GNL2: variants seen among roughly 807,000 people sequenced by gnomAD.
GNL2 encodes the protein nucleolar GTP-binding protein 2.
In GNL2, 51 loss-of-function variants were observed where a neutral mutation model predicts 92.3. That is an observed-to-expected ratio of 0.55 (90% CI 0.44 to 0.70). The LOEUF (loss-of-function observed/expected upper bound fraction) is 0.70, where lower values mean the gene tolerates loss of function less well. Ranked by LOEUF, GNL2 falls within the 30% of genes least tolerant of loss-of-function variation. GNL2 has a pLI of 0.00. For missense variants in GNL2, 844 were observed against 895.6 expected (o/e 0.94, Z 0.74); for synonymous variants, 283 against 300.6 (o/e 0.94, Z 0.61).
intron 14 of GNL2, 77 bp downstream of exon 14, chr1:37,568,198 T>C (rs570101313): frequency 5.7e-5 from 49 of 858,552 alleles, no homozygotes; most frequent in South Asian, 3.2e-4. Context: ...CTGAGATAAT[T>C]TGGAGACTGA....
chr1:37,594,148 C>A (rs932383592), intron 1 of GNL2: 3 of 292,460 alleles, frequency 1.0e-5, no homozygotes, highest in Non-Finnish European at 1.9e-5. Context: ...TTAATCTATA[C>A]AATAATCCTA....
Position 37,583,880 on chromosome 1 carries a change from C to T in GNL2, c.623G>A (p.Gly208Asp), listed in dbSNP as rs199933205. 3.2e-6 allele frequency: 5 copies of T among 1,570,460 alleles called. No homozygotes were observed. Among genetic ancestry groups the T allele is most frequent in the Middle Eastern group, 3.4e-4 (2 of 5,968 alleles). ...YKKGQSKRIW[G>D]ELYKVIDSSD... ...TAGGAGTCTTACCTTGTAGAGCTCA[C>T]CCCATATTCTTTTGGACTGTCCCTT... is the stretch of plus-strand genomic sequence containing the variant. The change falls in exon 6 of 16, where the codon GGT (glycine) becomes GAT (aspartate). Residue 208 changes from glycine (G) to aspartate (D), a missense_variant. By Grantham distance (94) the Gly-to-Asp change is moderately conservative. Transcript: ENST00000373062.
chr1:37,595,817 CACCATCTTGGCGACGAG>C lies in GNL2; in HGVS notation c.-12_5del, dbSNP rs779442093. 1.2e-6 allele frequency: 2 copies of C among 1,614,066 alleles called. No individual in the cohort carries two copies. Among genetic ancestry groups the C allele is most frequent in the Middle Eastern group, 1.6e-4 (1 of 6,082 alleles). Reference sequence around the variant, plus strand: ...TGCTCCGTCCTTTGTACTTGGGCTTCACCATCTTGGCGACGAGACCGGGACCGGAGTGCGAGGTCCGG... The same window carrying C: ...TGCTCCGTCCTTTGTACTTGGGCTTCACCGGGACCGGAGTGCGAGGTCCGG... On this transcript the variant is annotated start_lost and 5_prime_UTR_variant, in exon 1 of 16. Transcript: ENST00000373062.
intron 5 of GNL2, among the ~76,000 whole-genome samples, chr1:37,586,107 G>C (rs1643846814): frequency 6.6e-6 from 1 of 152,110 alleles, no homozygotes; most frequent in Non-Finnish European, 1.5e-5. Flanking sequence ...CAATGAGACT[G>C]GCCATAACAA....
chr1:37,573,895 AT>A (rs1365610221), intron 12 of GNL2, among the ~76,000 whole-genome samples: 1 of 151,656 alleles, frequency 6.6e-6, no homozygotes, highest in East Asian at 1.9e-4. Flanking sequence ...CCTCAAAAAA[AT>A]TTTTTTTTAT....
rs1374212499 is a variant in GNL2 at position 37,568,305 on chromosome 1, T to C, written c.1921A>G (p.Lys641Glu). The C allele has an allele frequency of 6.2e-7, 1 of 1,608,224 alleles. No homozygotes were observed. The highest frequency in any genetic ancestry group is 1.7e-4 in the Middle Eastern group (1 of 6,046). The change falls in exon 14 of 16, where the codon AAA becomes GAA. Residue 641 changes from lysine to glutamate, a missense_variant. Transcript: ENST00000373062. ...TCATCTACATCTTCTTCCAGTGTTT[T>C]TCTTTGTTCTTCAGGTTTTGCAAAT... ...KIFAKPEEQR[K>E]TLEEDVDDRA...
chr1:37,582,705 A>C (rs1477327623), intron 7 of GNL2, 73 bp downstream of exon 7: 2 of 1,202,168 alleles, frequency 1.7e-6, no homozygotes, highest in Non-Finnish European at 2.4e-6. Context: ...ACAACACTTT[A>C]GCCTAAAAGC....
intron 12 of GNL2, among the ~76,000 whole-genome samples, chr1:37,574,020 G>A (rs946231365): frequency 2.6e-5 from 4 of 152,166 alleles, no homozygotes; most frequent in African/African-American, 7.2e-5. Context: ...AGCCTCCCGA[G>A]TAGCTGGGAC....
chr1:37,567,123 C>T, intron 15 of GNL2, 116 bp from the exon 16 acceptor site: 2 of 1,069,904 alleles, frequency 1.9e-6, no homozygotes, highest in South Asian at 1.6e-5. Context: ...GCTGCTTCCA[C>T]AGCTACTGGA....
At chr1:37,593,111 G>C (rs1269471079) in intron 2 of GNL2, among the ~76,000 whole-genome samples, 2 of 151,892 alleles carry the variant, frequency 1.3e-5, no homozygotes, top group Admixed American at 1.3e-4. Context: ...GAGTTTTTTG[G>C]GTAATTATTC....
At chr1:37,582,376 C>T (rs769096849) in intron 7 of GNL2, 40 bp from the exon 8 acceptor site, 2 of 1,108,108 alleles carry the variant, frequency 1.8e-6, no homozygotes, top group Admixed American at 2.0e-5. Flanking sequence ...AACTGCAGTA[C>T]ATTTATTTAC....
At chr1:37,591,993 G>A (rs1369098655) in intron 3 of GNL2, among the ~76,000 whole-genome samples, 2 of 152,184 alleles carry the variant, frequency 1.3e-5, no homozygotes, top group Non-Finnish European at 2.9e-5. Flanking sequence ...CATGCTAAAT[G>A]CTTCTCTGCA....
intron 1 of GNL2, 121 bp from the exon 2 acceptor site, chr1:37,593,967 A>T (rs1557646637): frequency 3.1e-6 from 2 of 649,442 alleles, no homozygotes; most frequent in East Asian, 5.5e-5. Context: ...CAACCACAAA[A>T]ATCTCTACTT....
At chr1:37,570,881 T>C (rs988358744) in intron 12 of GNL2, 1 of 152,176 alleles carries the variant, frequency 6.6e-6, no homozygotes, top group Non-Finnish European at 1.5e-5. Flanking sequence ...AAGATAAGTA[T>C]GTGCCAAGCT....
chr1:37,595,737 C>A (rs780119304), intron 1 of GNL2, 22 bp downstream of exon 1: 2 of 1,610,496 alleles, frequency 1.2e-6, no homozygotes, highest in East Asian at 4.5e-5. Flanking sequence ...GCTCCACCCT[C>A]GATCAGCCCT....
intron 5 of GNL2, among the ~76,000 whole-genome samples, chr1:37,585,077 T>C (rs113746714): frequency 0.023 from 2,418 of 104,106 alleles, 69 homozygotes; most frequent in African/African-American, 0.078. Flanking sequence ...TTTTTTTTTT[T>C]GAGACGGAGT....
intron 1 of GNL2, among the ~76,000 whole-genome samples, chr1:37,595,288 T>C (rs942406937): frequency 4.6e-5 from 7 of 152,236 alleles, no homozygotes; most frequent in Non-Finnish European, 7.3e-5. Flanking sequence ...ATGATCATAC[T>C]GACTTCTTTG....
intron 12 of GNL2, chr1:37,570,529 CAAA>C (rs10669460): frequency 8.9e-5 from 9 of 101,108 alleles, no homozygotes; most frequent in South Asian, 3.3e-4. Context: ...GACTCCGTCT[CAAA>C]AAAAAAAAAA....
intron 8 of GNL2, among the ~76,000 whole-genome samples, chr1:37,579,501 C>T (rs1178172670): frequency 1.3e-5 from 2 of 149,860 alleles, no homozygotes; most frequent in Non-Finnish European, 3.0e-5. Flanking sequence ...GAGCCGAGAT[C>T]GCGCCATTGC....
Sources: gnomAD v4.1 joint callset for allele counts (sites outside exome capture counted in the v4.1 genomes callset) on GRCh38, gnomAD v4.1.1 for gene constraint, MANE v1.5 for transcripts, NCBI Gene and HGNC (gene_info 2026-07-23, HGNC 2026-07-21) for gene names.